The following LCP2 variants were observed in gnomAD, a reference collection of about 807,000 sequenced individuals.
LCP2 encodes lymphocyte cytosolic protein 2, also known as 76 kDa tyrosine phosphoprotein.
A neutral mutation model predicts 74.5 loss-of-function variants in LCP2; 29 were observed. The observed-to-expected ratio is 0.39, with a 90% CI of 0.29 to 0.53. The LOEUF is 0.53. Among genes scored for constraint, LCP2 ranks in the 20% least tolerant of loss-of-function variants. The pLI, the probability that LCP2 is intolerant of heterozygous loss-of-function variation, is 0.72. For missense variants in LCP2, 604 were observed against 634.6 expected, an observed-to-expected ratio of 0.95 and a Z score of 0.52; for synonymous variants, 228 against 229.5, an observed-to-expected ratio of 0.99 and a Z score of 0.06.
intron 10 of LCP2, among the ~76,000 whole-genome samples, chr5:170,264,368 T>A (rs1761711024): frequency 6.6e-6 from 1 of 152,280 alleles, no homozygotes; most frequent in African/African-American, 2.4e-5. Context: ...AACTCGCCTT[T>A]CTTTCCCTTC....
intron 1 of LCP2, among the ~76,000 whole-genome samples, chr5:170,293,982 C>T (rs1001025126): frequency 2.6e-5 from 4 of 152,174 alleles, no homozygotes; most frequent in Non-Finnish European, 4.4e-5. Flanking sequence ...GAACAATTAT[C>T]GAAAGCTTTC....
chr5:170,258,066 G>C lies in LCP2; in HGVS notation c.1071C>G (p.Ser357=), dbSNP rs1049370704. The C allele has an allele frequency of 2.5e-5, 41 of 1,613,932 alleles. No homozygotes were observed. Among genetic ancestry groups the C allele is most frequent in the Non-Finnish European group, 3.5e-5 (41 of 1,179,786 alleles). The change falls in exon 16 of 21, where the codon TCC becomes TCG. Residue 357 remains serine (S), a synonymous_variant. Coordinates refer to ENST00000046794, the MANE Select transcript of LCP2 (RefSeq NM_005565.5). Reference sequence around the variant, plus strand: ...CTGAGAATGCTCCAGGCATGTGAGAGGATGGGAGAGGGTTCATGGGACTTG... The same window carrying C: ...CTGAGAATGCTCCAGGCATGTGAGACGATGGGAGAGGGTTCATGGGACTTG... ...TKPSPMNPLP[S]SHMPGAFSES...
Position 170,247,813 on chromosome 5 carries a change from C to G in LCP2, c.*884G>C, listed in dbSNP as rs1391979632. 1 of 152,138 alleles carries G rather than the reference C, an allele frequency of 6.6e-6. No individual in the cohort carries two copies. The highest frequency in any genetic ancestry group is 1.5e-5 in the Non-Finnish European group (1 of 68,034). 9.4% of individuals were successfully genotyped at this position (152,138 alleles called of 1,614,324 possible). On this transcript the variant is annotated 3_prime_UTR_variant, in exon 21 of 21. Transcript: ENST00000046794. ...GTTGCTCCCTCGTCTTCCCAGGAAG[C>G]CTTTGGTAAAATCTATATCCCTGGA... is the stretch of plus-strand genomic sequence containing the variant.
chr5:170,252,027 G>A (rs1761455533), intron 19 of LCP2: 1 of 199,438 alleles, frequency 5.0e-6, no homozygotes, highest in East Asian at 1.1e-4. Context: ...GCAAAAAGTT[G>A]CTGCCATCTC....
intron 3 of LCP2, 107 bp from the exon 4 acceptor site, chr5:170,275,967 A>C: frequency 1.1e-6 from 1 of 900,888 alleles, no homozygotes; most frequent in Non-Finnish European, 1.8e-6. Flanking sequence ...CACCAGGGCC[A>C]ACTTTGGCCA....
intron 16 of LCP2, among the ~76,000 whole-genome samples, chr5:170,257,693 C>T (rs1203201299): frequency 1.3e-5 from 2 of 152,138 alleles, no homozygotes; most frequent in East Asian, 3.9e-4. Context: ...TGCAGATGAA[C>T]TTCAAGTACT....
chr5:170,256,061 C>T lies in LCP2; in HGVS notation c.1150+465G>A, dbSNP rs1761543672. On this transcript the variant is annotated intron_variant, in intron 17 of 20. Transcript: ENST00000046794. This position sits in a 1 kb window ranked among gnomAD's most constrained non-coding sequence, Gnocchi z 4.5. Reference sequence around the variant, plus strand: ...ACTGCAGAGAAAGGCAAACAGGATTCTGAGGATTCCGTAGGGAAACCGGAG... The same window carrying T: ...ACTGCAGAGAAAGGCAAACAGGATTTTGAGGATTCCGTAGGGAAACCGGAG... 6.6e-6 allele frequency among the ~76,000 whole-genome samples: 1 copy of T among 152,200 alleles called. No homozygotes were observed. Among genetic ancestry groups the T allele is most frequent in the Admixed American group, 6.5e-5 (1 of 15,286 alleles).
chr5:170,263,647 A>C (rs570825770), intron 10 of LCP2, among the ~76,000 whole-genome samples: 1 of 152,330 alleles, frequency 6.6e-6, no homozygotes, highest in East Asian at 1.9e-4. Context: ...GTGCATCACA[A>C]AGTTATTCAA....
chr5:170,248,469 G>GT lies in LCP2; in HGVS notation c.*227dup. On this transcript the variant is annotated 3_prime_UTR_variant, in exon 21 of 21. Transcript: ENST00000046794. Reference sequence around the variant, plus strand: ...ATTACAGTGCACTACTAGACTTCAAGTGTGAACATGACTCATGCACTTTAC... The same window carrying GT: ...ATTACAGTGCACTACTAGACTTCAAGTTGTGAACATGACTCATGCACTTTAC... The GT allele has an allele frequency of 2.3e-6, 1 of 429,262 alleles. No homozygotes were observed. The highest frequency in any genetic ancestry group is 4.4e-5 in the Admixed American group (1 of 22,742). The allele number at this position is 429,262 out of a possible 1,614,324, so 26.6% of individuals were successfully genotyped here. A position where few individuals can be genotyped will look rare whatever the true frequency, so the allele number is the denominator to read the frequency against.
chr5:170,274,591 A>G (rs1237945128), intron 5 of LCP2, among the ~76,000 whole-genome samples: 1 of 152,178 alleles, frequency 6.6e-6, no homozygotes, highest in African/African-American at 2.4e-5. Flanking sequence ...TGACTTAGGA[A>G]GTGCTTTAAG....
Position 170,268,393 on chromosome 5 carries a change from T to C in LCP2, c.613A>G (p.Asn205Asp). The change falls in exon 8 of 21, where the codon AAT becomes GAT. Residue 205 changes from asparagine (N) to aspartate (D), a missense_variant. By Grantham distance (23) the Asn-to-Asp change is conservative. Coordinates refer to ENST00000046794, the MANE Select transcript of LCP2 (RefSeq NM_005565.5). ...AALPPPPAGR[N>D]HSPLPPPQTN... Reference sequence around the variant, plus strand: ...AACGGGAGGAGGCCTACCGAGTGATTCCGGCCGGCTGGTGGGGGCGGGAGG... The same window carrying C: ...AACGGGAGGAGGCCTACCGAGTGATCCCGGCCGGCTGGTGGGGGCGGGAGG... The C allele has an allele frequency of 3.2e-6, 2 of 626,018 alleles. No individual in the cohort carries two copies. Among genetic ancestry groups the C allele is most frequent in the Non-Finnish European group, 4.1e-6 (2 of 484,698 alleles). 38.8% of individuals were successfully genotyped at this position (626,018 alleles called of 1,614,324 possible).
At chr5:170,263,677 T>C (rs1036126552) in intron 10 of LCP2, among the ~76,000 whole-genome samples, 4 of 152,244 alleles carry the variant, frequency 2.6e-5, no homozygotes, top group African/African-American at 9.6e-5. Context: ...ATTTGTATTC[T>C]ATCTAAAGTC....
In LCP2 at chr5:170,256,388, G is replaced by T; in HGVS notation, c.1150+138C>A. On this transcript the variant is annotated intron_variant, in intron 17 of 20. Coordinates refer to ENST00000046794, the MANE Select transcript of LCP2 (RefSeq NM_005565.5). This position sits in a 1 kb window ranked among gnomAD's most constrained non-coding sequence, Gnocchi z 4.5. ...ACAGCCCTTGGCACACTGCAGACAC[G>T]GAATTAAATGTTGAATGAGGAAATC... 1.4e-6 allele frequency: 1 copy of T among 719,996 alleles called. No homozygotes were observed. Among genetic ancestry groups the T allele is most frequent in the Non-Finnish European group, 2.5e-6 (1 of 406,924 alleles). 44.6% of individuals were successfully genotyped at this position (719,996 alleles called of 1,614,324 possible).
At chr5:170,289,758 C>CT (rs33981922) in intron 2 of LCP2, among the ~76,000 whole-genome samples, 77,589 of 123,114 alleles carry the variant, frequency 0.63, 25,267 homozygotes, top group African/African-American at 0.75. Context: ...TTTTCTTTCT[C>CT]TTTTTTTTTT....
Position 170,261,163 on chromosome 5 carries a change from A to C in LCP2, c.927-26T>G, listed in dbSNP as rs761550448. On this transcript the variant is annotated intron_variant, in intron 13 of 20. Coordinates refer to ENST00000046794, the MANE Select transcript of LCP2 (RefSeq NM_005565.5). ...CTGAAATGAATTAGGGCAAATAAAA[A>C]GAACTGAGCATGAAGAGTTTCAAAG... 3 of 1,571,506 alleles carry C rather than the reference A, an allele frequency of 1.9e-6. No homozygotes were observed. The African/African-American group carries it at 4.1e-5, about 21-fold the overall frequency.
At chr5:170,266,986 G>C (rs1761772919) in intron 9 of LCP2, 23 bp downstream of exon 9, 1 of 1,613,764 alleles carries the variant, frequency 6.2e-7, no homozygotes, top group Non-Finnish European at 8.5e-7. Context: ...AACAGGGCAA[G>C]AGAGAGCAGC....
intron 3 of LCP2, among the ~76,000 whole-genome samples, chr5:170,283,467 C>G (rs1762136535): frequency 6.6e-6 from 1 of 152,172 alleles, no homozygotes; most frequent in Non-Finnish European, 1.5e-5. Flanking sequence ...TTCCATCCCC[C>G]CATCTTCATA....
chr5:170,253,470 G>T (rs1761491519), intron 17 of LCP2, among the ~76,000 whole-genome samples: 1 of 152,158 alleles, frequency 6.6e-6, no homozygotes, highest in South Asian at 2.1e-4. Flanking sequence ...TTTTCTAAAT[G>T]TGCATGTTAC....
intron 1 of LCP2, among the ~76,000 whole-genome samples, chr5:170,294,990 A>G (rs958289627): frequency 6.6e-6 from 1 of 152,196 alleles, no homozygotes; most frequent in South Asian, 2.1e-4. Flanking sequence ...GGCATCCAGC[A>G]TTGGTAGGCA....
Sources: gnomAD v4.1 joint callset for allele counts (sites outside exome capture counted in the v4.1 genomes callset) on GRCh38, gnomAD v4.1.1 for gene constraint, Gnocchi (gnomAD v3.1) non-coding constraint, MANE v1.5 for transcripts, NCBI Gene and HGNC (gene_info 2026-07-23, HGNC 2026-07-21) for gene names.